PHF6: variants seen among roughly 807,000 people sequenced by gnomAD.
PHF6 encodes the protein PHD-like zinc finger protein.
A neutral mutation model predicts 34.0 loss-of-function variants in PHF6; 7 were observed. That is an observed-to-expected ratio of 0.21 (90% CI 0.12 to 0.39). The LOEUF (loss-of-function observed/expected upper bound fraction) is 0.39. Ranked by LOEUF, PHF6 falls within the 10% of genes least tolerant of loss-of-function variation. The pLI is 1.00. For synonymous variants in PHF6, 89 were observed against 88.4 expected (o/e 1.01, Z -0.04); for missense variants, 128 against 262.8 (o/e 0.49, Z 3.55).
intron 1 of PHF6, among the ~76,000 whole-genome samples, chrX:134,376,785 G>A (rs1408284551): frequency 9.0e-6 from 1 of 111,660 alleles, no homozygotes; most frequent in Non-Finnish European, 1.9e-5. Context: ...TAGACTGTCA[G>A]AAGCCTAACT....
intron 5 of PHF6, among the ~76,000 whole-genome samples, chrX:134,399,579 GTTTTAGGTTTATAGCAAAA>G (rs768033036): frequency 2.7e-5 from 3 of 109,711 alleles, no homozygotes; most frequent in Admixed American, 9.8e-5. Context: ...TTTTAGAACA[GTTTTAGGTTTATAGCAAAA>G]TTGAGCACAA....
At chrX:134,400,015 C>T (rs886584167) in intron 5 of PHF6, among the ~76,000 whole-genome samples, 2 of 111,613 alleles carry the variant, frequency 1.8e-5, no homozygotes, top group Non-Finnish European at 3.8e-5. Context: ...TCCAGAATGT[C>T]GTAGTTGGAA....
intron 3 of PHF6, 54 bp from the exon 4 acceptor site, chrX:134,393,447 A>C (rs1361135887): frequency 8.5e-7 from 1 of 1,175,212 alleles, no homozygotes; most frequent in Non-Finnish European, 1.2e-6. Context: ...CTAATCTGAT[A>C]TACAGCCTTA....
At chrX:134,381,534 G>T (rs1361999798) in intron 3 of PHF6, among the ~76,000 whole-genome samples, 2 of 99,113 alleles carry the variant, frequency 2.0e-5, no homozygotes, top group Admixed American at 1.1e-4. Context: ...CGCTCTTGTT[G>T]CCCAGGCTGG....
chrX:134,377,859 A>C lies in PHF6; in HGVS notation c.138+104A>C, dbSNP rs955757031. On this transcript the variant is annotated intron_variant, in intron 2 of 10. Transcript: ENST00000370803. Reference sequence around the variant, plus strand: ...AAAAAAAAAACAAAAACCAAAAAAAACTCAGTTAAATTTTAAGAAATGGTT... The same window carrying C: ...AAAAAAAAAACAAAAACCAAAAAAACCTCAGTTAAATTTTAAGAAATGGTT... 1.4e-5 allele frequency: 14 copies of C among 1,024,729 alleles called. No individual in the cohort carries two copies. In the East Asian group the frequency reaches 4.3e-4, roughly 31 times the overall value. The allele number at this position is 1,024,729 out of a possible 1,213,427, so 84.4% of individuals were successfully genotyped here. A position where few individuals can be genotyped will look rare whatever the true frequency, so the allele number is the denominator to read the frequency against.
chrX:134,402,007 T>G (rs2077404538), intron 5 of PHF6, among the ~76,000 whole-genome samples: 1 of 111,277 alleles, frequency 9.0e-6, no homozygotes, highest in Non-Finnish European at 1.9e-5. Context: ...TGTTTGTTTT[T>G]TTGGTTGAGA....
intron 3 of PHF6, among the ~76,000 whole-genome samples, chrX:134,386,357 G>A (rs2077331295): frequency 9.1e-6 from 1 of 110,302 alleles, no homozygotes; most frequent in South Asian, 3.9e-4. Flanking sequence ...AATCAGAAAA[G>A]GGGCAGGGGT....
chrX:134,405,633 G>A (rs774055534), intron 5 of PHF6, among the ~76,000 whole-genome samples: 1 of 111,201 alleles, frequency 9.0e-6, no homozygotes. Flanking sequence ...AGAAATAACA[G>A]CATAACGTTT....
intron 3 of PHF6, among the ~76,000 whole-genome samples, chrX:134,391,023 G>A (rs2077351737): frequency 1.1e-5 from 1 of 93,032 alleles, no homozygotes; most frequent in Non-Finnish European, 2.1e-5. Flanking sequence ...TGCCCAGGCT[G>A]GAGTGCAATG....
intron 5 of PHF6, among the ~76,000 whole-genome samples, chrX:134,405,925 A>G (rs1378308712): frequency 1.8e-5 from 2 of 109,411 alleles, no homozygotes; most frequent in Non-Finnish European, 3.8e-5. Flanking sequence ...GACTCCGCAC[A>G]TACAGAGTAA....
chrX:134,380,380 T>C (rs1368261728), intron 3 of PHF6, among the ~76,000 whole-genome samples: 1 of 110,617 alleles, frequency 9.0e-6, no homozygotes, highest in Non-Finnish European at 1.9e-5. Flanking sequence ...GTGACCTACC[T>C]GCCTCGGCCT....
At chrX:134,374,303 G>A (rs2077269401) in intron 1 of PHF6, among the ~76,000 whole-genome samples, 1 of 111,920 alleles carries the variant, frequency 8.9e-6, no homozygotes, top group Non-Finnish European at 1.9e-5. Flanking sequence ...CCTAATGTCA[G>A]GTCTTATTTA....
chrX:134,396,056 T>G (rs1286046653), intron 5 of PHF6, among the ~76,000 whole-genome samples: 1 of 111,867 alleles, frequency 8.9e-6, no homozygotes, highest in African/African-American at 3.3e-5. Flanking sequence ...CTATATGGTT[T>G]TTTTCTTAAT....
In PHF6 at chrX:134,426,091, A is replaced by AT. The variant is rs34561686; in HGVS notation, c.*440dup. ...GGTGGCAGCACATGGTAATTTGTGG[A>AT]TTTTTTTTTCATACTCAAGTAATGG... On this transcript the variant is annotated 3_prime_UTR_variant, in exon 11 of 11. Coordinates refer to ENST00000370803, the MANE Select transcript of PHF6 (RefSeq NM_001015877.2). 0.36 allele frequency: 55,051 copies of AT among 154,557 alleles called. 8,850 individuals carry two copies. Among genetic ancestry groups the AT allele is most frequent in the African/African-American group, 0.65 (20,713 of 32,038 alleles). 12.7% of individuals were successfully genotyped at this position (154,557 alleles called of 1,213,427 possible).
At chrX:134,381,679 G>A (rs1216194518) in intron 3 of PHF6, among the ~76,000 whole-genome samples, 1 of 109,964 alleles carries the variant, frequency 9.1e-6, no homozygotes, top group Non-Finnish European at 1.9e-5. Flanking sequence ...GTATTTAGTA[G>A]AGACGGGGTT....
At chrX:134,417,467 C>T in intron 9 of PHF6, 165 bp downstream of exon 9, 1 of 473,138 alleles carries the variant, frequency 2.1e-6, no homozygotes, top group Non-Finnish European at 3.6e-6. Flanking sequence ...TTTCCTCTGA[C>T]TACATATCCC....
At chrX:134,422,307 G>C (rs1268734926) in intron 9 of PHF6, among the ~76,000 whole-genome samples, 1 of 112,149 alleles carries the variant, frequency 8.9e-6, no homozygotes, top group Non-Finnish European at 1.9e-5. Context: ...CATCTAGGTT[G>C]TTTTTGCTTT....
Position 134,413,886 on chromosome X carries a change from G to T in PHF6, c.649G>T (p.Val217Leu). Residue 217 changes from valine to leucine, a missense_variant, in exon 7 of 11, where the codon GTA (valine) becomes TTA (leucine). Physicochemically the swap from Val to Leu is conservative, Grantham distance 32. Coordinates refer to ENST00000370803, the MANE Select transcript of PHF6 (RefSeq NM_001015877.2). ...CAGGCCTAAATGTGGATTTTGCCAT[G>T]TAGGGGAGGAAGAAAATGAAGCACG... ...DTRPKCGFCH[V>L]GEEENEARGK... 2.5e-6 allele frequency: 3 copies of T among 1,210,403 alleles called. No individual in the cohort carries two copies. The highest frequency in any genetic ancestry group is 3.4e-6 in the Non-Finnish European group (3 of 894,461).
chrX:134,377,566 CTG>C lies in PHF6; in HGVS notation c.-46-4_-46-3del, dbSNP rs1172147803. On this transcript the variant is annotated splice_region_variant and splice_polypyrimidine_tract_variant and intron_variant, in intron 1 of 10. Coordinates refer to ENST00000370803, the MANE Select transcript of PHF6 (RefSeq NM_001015877.2). ...TTAACATTGTCGCCCTTCTTATTCT[CTG>C]TAGCATTTCTTGAGACTTAAAGTGG... 1 of 1,150,140 alleles carries C rather than the reference CTG, an allele frequency of 8.7e-7. No homozygotes were observed. Among genetic ancestry groups the C allele is most frequent in the Non-Finnish European group, 1.2e-6 (1 of 850,125 alleles). The allele number at this position is 1,150,140 out of a possible 1,213,427, so 94.8% of individuals were successfully genotyped here. A position where few individuals can be genotyped will look rare whatever the true frequency, so the allele number is the denominator to read the frequency against.
Sources: allele counts gnomAD v4.1 joint callset (sites outside exome capture counted in the v4.1 genomes callset), GRCh38; gene constraint gnomAD v4.1.1; transcripts MANE v1.5; gene names NCBI Gene and HGNC (gene_info 2026-07-23, HGNC 2026-07-21).